TERF2IP: variants seen among roughly 807,000 people sequenced by gnomAD.
TERF2IP encodes telomeric repeat-binding factor 2-interacting protein 1.
In TERF2IP, 35 loss-of-function variants were observed where a neutral mutation model predicts 33.3. That is an observed-to-expected ratio of 1.05 (90% confidence interval 0.80 to 1.39). TERF2IP has a LOEUF of 1.39. Ranked by LOEUF, TERF2IP falls within the 40% of genes most tolerant of loss-of-function variation. TERF2IP has a pLI of 0.00. For synonymous variants in TERF2IP, 253 were observed against 223.2 expected (o/e 1.13, Z -1.19); for missense variants, 583 against 524.8 (o/e 1.11, Z -1.08).
At chr16:75,652,953 C>G (rs374239078) in intron 1 of TERF2IP, among the ~76,000 whole-genome samples, 31 of 152,152 alleles carry the variant, frequency 2.0e-4, no homozygotes, top group African/African-American at 7.0e-4. Context: ...ACAACCATTC[C>G]GCCTTCTGTT....
chr16:75,656,125 G>A, intron 2 of TERF2IP, 82 bp from the exon 3 acceptor site: 3 of 1,363,496 alleles, frequency 2.2e-6, no homozygotes, highest in Non-Finnish European at 3.0e-6. Context: ...AGGGCAAGGG[G>A]GTGATAGTTG....
intron 2 of TERF2IP, among the ~76,000 whole-genome samples, chr16:75,655,014 C>G (rs2082374562): frequency 1.3e-5 from 2 of 149,376 alleles, no homozygotes; most frequent in Admixed American, 1.3e-4. Context: ...AGGCGTGAGC[C>G]ACCGCTTTTT....
At chr16:75,652,920 C>G (rs894811454) in intron 1 of TERF2IP, among the ~76,000 whole-genome samples, 2 of 152,200 alleles carry the variant, frequency 1.3e-5, no homozygotes, top group African/African-American at 2.4e-5. Context: ...TTCCCCATTT[C>G]TCCCTCCTCT....
At chr16:75,654,646 T>G (rs2082371183) in intron 2 of TERF2IP, among the ~76,000 whole-genome samples, 1 of 152,194 alleles carries the variant, frequency 6.6e-6, no homozygotes. Context: ...TTGGGTAGAA[T>G]AGGGACAGTT....
At position 75,656,523 on chromosome 16, in the gene TERF2IP, A is replaced by C. The variant is rs1300946802; in HGVS notation, c.1112A>C (p.Gln371Pro). ...IWSRQDDIDL[Q>P]KDDEDTREAL... The stretch of plus-strand genomic sequence containing the variant: ...TCCCGACAAGATGACATAGATTTGC[A>C]AAAAGATGATGAGGATACCAGAGAG... The change falls in exon 3 of 3, where the codon CAA becomes CCA. Residue 371 changes from glutamine (Q) to proline (P), a missense_variant. Physicochemically the swap from Gln to Pro is moderately conservative, Grantham distance 76 (BLOSUM62 -1). Coordinates refer to ENST00000300086, the MANE Select transcript of TERF2IP (RefSeq NM_018975.4). 3 of 1,614,222 alleles carry C rather than the reference A, an allele frequency of 1.9e-6. No homozygotes were observed. The highest frequency in any genetic ancestry group is 2.5e-6 in the Non-Finnish European group (3 of 1,180,040).
chr16:75,654,525 G>A, intron 2 of TERF2IP, 128 bp downstream of exon 2: 2 of 933,442 alleles, frequency 2.1e-6, no homozygotes, highest in Non-Finnish European at 3.1e-6. Flanking sequence ...AGATGGAAAG[G>A]GAAAATGGAA....
intron 2 of TERF2IP, among the ~76,000 whole-genome samples, chr16:75,655,192 AT>A (rs1246614417): frequency 2.6e-5 from 4 of 152,044 alleles, no homozygotes; most frequent in East Asian, 3.8e-4. Context: ...ACTTATAGTA[AT>A]TTTTTTTATC....
In TERF2IP at chr16:75,654,260, T is replaced by G; in HGVS notation, c.671-13T>G. On this transcript the variant is annotated splice_polypyrimidine_tract_variant and intron_variant, in intron 1 of 2. Coordinates refer to ENST00000300086, the MANE Select transcript of TERF2IP (RefSeq NM_018975.4). ...AGGCTATTGCTAATCTGTGCTGTTC[T>G]TCTCTTTAACAGAACCACAGAATAA... 1 of 1,611,610 alleles carries G rather than the reference T, an allele frequency of 6.2e-7. No homozygotes were observed. Among genetic ancestry groups the G allele is most frequent in the South Asian group, 1.1e-5 (1 of 90,914 alleles).
intron 1 of TERF2IP, among the ~76,000 whole-genome samples, chr16:75,650,207 T>A (rs746255079): frequency 6.6e-6 from 1 of 151,964 alleles, no homozygotes; most frequent in Non-Finnish European, 1.5e-5. Context: ...TAGAGAAAAA[T>A]AATTCAGAGT....
intron 2 of TERF2IP, among the ~76,000 whole-genome samples, chr16:75,655,008 G>A (rs981332979): frequency 2.0e-5 from 3 of 149,428 alleles, no homozygotes; most frequent in Non-Finnish European, 3.0e-5. Flanking sequence ...GATTACAGGC[G>A]TGAGCCACCG....
rs1422669566 is a variant in TERF2IP, at chr16:75,656,783, G to A, written c.*172G>A. 4.9e-6 allele frequency: 3 copies of A among 614,000 alleles called. No individual in the cohort carries two copies. The highest frequency in any genetic ancestry group is 3.7e-5 in the African/African-American group (2 of 53,896). 38.0% of individuals were successfully genotyped at this position (614,000 alleles called of 1,614,324 possible). ...TTGTAGCCAAGCAGAGTTGTAGAGG[G>A]GGATAAAAAGAAAAGAAATTGGATG... On this transcript the variant is annotated 3_prime_UTR_variant, in exon 3 of 3. Transcript: ENST00000300086.
chr16:75,650,080 T>A (rs547347276), intron 1 of TERF2IP, among the ~76,000 whole-genome samples: 1 of 152,352 alleles, frequency 6.6e-6, no homozygotes, highest in African/African-American at 2.4e-5. Flanking sequence ...TTCAGCTTCA[T>A]TCATTCAGCA....
chr16:75,648,183 C>T lies in TERF2IP; in HGVS notation c.301C>T (p.Leu101=). 1.9e-6 allele frequency: 3 copies of T among 1,555,180 alleles called. No individual in the cohort carries two copies. Among genetic ancestry groups the T allele is most frequent in the South Asian group, 1.2e-5 (1 of 85,136 alleles). Residue 101 remains leucine (L), a synonymous_variant, in exon 1 of 3, where the codon CTG becomes TTG. Transcript: ENST00000300086. ...GAGGCTGGAGCTGGAGGCCTATCGG[C>T]TGGGCCCCGCCTCGGCGGCGGACAC... ...NERLELEAYR[L]GPASAADTGS...
rs757815637 is a variant in TERF2IP, at chr16:75,648,558, G to A, written c.670+6G>A. On this transcript the variant is annotated splice_donor_region_variant and intron_variant, in intron 1 of 2. Transcript: ENST00000300086. ...GGAGGCCGCGGATAGCGGGGGTGAG[G>A]AGGCTGAGCGCGGGGCCTCGCGGAT... The A allele has an allele frequency of 2.0e-6, 3 of 1,538,134 alleles. No homozygotes were observed. The East Asian group carries it at 7.0e-5, about 36-fold the overall frequency.
Position 75,657,349 on chromosome 16 carries a change from G to A in TERF2IP, c.*738G>A, listed in dbSNP as rs149357328. ...TTGAGTATTGTTTGTGCTAAGCATT[G>A]TGTTAGATTTAAAAAATTAGTGGAT... On this transcript the variant is annotated 3_prime_UTR_variant, in exon 3 of 3. Transcript: ENST00000300086. 9 of 152,308 alleles carry A rather than the reference G, an allele frequency of 5.9e-5. No individual in the cohort carries two copies. The East Asian group carries it at 1.7e-3, about 29-fold the overall frequency. The allele number at this position is 152,308 out of a possible 1,614,324, so 9.4% of individuals were successfully genotyped here.
intron 1 of TERF2IP, among the ~76,000 whole-genome samples, chr16:75,649,881 G>T (rs548423970): frequency 6.6e-6 from 1 of 152,154 alleles, no homozygotes; most frequent in Non-Finnish European, 1.5e-5. Flanking sequence ...GACGTACCTG[G>T]CATTGATAAC....
At chr16:75,648,802 C>A in intron 1 of TERF2IP, 1 of 1,033,606 alleles carries the variant, frequency 9.7e-7, no homozygotes, top group Non-Finnish European at 1.3e-6. Context: ...GATCCTCCTG[C>A]CTCGGCCACC....
rs879943448 is a variant in TERF2IP at position 75,656,959 on chromosome 16, G to A, written c.*348G>A. The A allele has an allele frequency of 6.3e-5, 12 of 191,216 alleles. No individual in the cohort carries two copies. The Admixed American group carries it at 6.8e-4, about 11-fold the overall frequency. The allele number at this position is 191,216 out of a possible 1,614,324, so 11.8% of individuals were successfully genotyped here. On this transcript the variant is annotated 3_prime_UTR_variant, in exon 3 of 3. Coordinates refer to ENST00000300086, the MANE Select transcript of TERF2IP (RefSeq NM_018975.4). The stretch of plus-strand genomic sequence containing the variant: ...GTGAAAGGAAATTTAGGAGGCATAG[G>A]CCATTTCAGGCAGCATAAGTAATCT...
rs1390672212 is a variant in TERF2IP at position 75,648,168 on chromosome 16, C to G, written c.286C>G (p.Leu96Val). ...CGTGGAGCGCAACGAGAGGCTGGAGCTGGAGGCCTATCGGCTGGGCCCCGC... is the reference window on the plus strand; with the variant it reads ...CGTGGAGCGCAACGAGAGGCTGGAGGTGGAGGCCTATCGGCTGGGCCCCGC... ...DCVERNERLE[L>V]EAYRLGPASA... The change falls in exon 1 of 3, where the codon CTG (leucine) becomes GTG (valine). Residue 96 changes from leucine to valine, a missense_variant. By Grantham distance (32) the Leu-to-Val change is conservative. Coordinates refer to ENST00000300086, the MANE Select transcript of TERF2IP (RefSeq NM_018975.4). The G allele has an allele frequency of 1.9e-6, 3 of 1,565,398 alleles. No individual in the cohort carries two copies. Among genetic ancestry groups the G allele is most frequent in the Non-Finnish European group, 1.7e-6 (2 of 1,157,906 alleles).
Sources: allele counts gnomAD v4.1 joint callset (sites outside exome capture counted in the v4.1 genomes callset), GRCh38; gene constraint gnomAD v4.1.1; transcripts MANE v1.5; gene names NCBI Gene and HGNC (gene_info 2026-07-23, HGNC 2026-07-21).